LRRC61: variants seen among roughly 807,000 people sequenced by gnomAD.
LRRC61 encodes the protein leucine-rich repeat-containing protein 61.
Under a neutral mutation model 15.1 loss-of-function variants are expected in LRRC61, and 9 were observed. The ratio of observed to expected loss-of-function variants is 0.60; its 90% CI spans 0.36 to 1.04. The LOEUF is 1.04. Ranked by LOEUF, LRRC61 falls within the 50% of genes least tolerant of loss-of-function variation. The pLI is 0.01. For missense variants in LRRC61, 344 were observed against 335.6 expected, an observed-to-expected ratio of 1.03 and a Z score of -0.20; for synonymous variants, 173 against 158.6, an observed-to-expected ratio of 1.09 and a Z score of -0.68.
intron 1 of LRRC61, among the ~76,000 whole-genome samples, chr7:150,324,064 A>T (rs1797836856): frequency 1.3e-5 from 2 of 152,224 alleles, no homozygotes; most frequent in Admixed American, 1.3e-4. Context: ...TGCGTGTGGG[A>T]CAAAACCCCA....
At position 150,336,849 on chromosome 7, in the gene LRRC61, C is replaced by A. The variant is rs368562052; in HGVS notation, c.-13C>A. The A allele has an allele frequency of 2.5e-6, 4 of 1,593,496 alleles. No homozygotes were observed. Among genetic ancestry groups the A allele is most frequent in the East Asian group, 2.2e-5 (1 of 44,680 alleles). ...CTGCCAGGGCCCAGGCCATCCCAAC[C>A]GACTTCCATCTCATGGACCCTCCAG... On this transcript the variant is annotated 5_prime_UTR_variant, in exon 3 of 3. Transcript: ENST00000359623.
the LRRC61 span, among the ~76,000 whole-genome samples, chr7:150,315,525 T>C: frequency 6.6e-6 from 1 of 152,202 alleles, no homozygotes; most frequent in Non-Finnish European, 1.5e-5. Flanking sequence ...GGAAAATACA[T>C]TGTACGTTTT....
At chr7:150,336,169 C>T (rs1798283092) in intron 2 of LRRC61, among the ~76,000 whole-genome samples, 1 of 152,198 alleles carries the variant, frequency 6.6e-6, no homozygotes, top group Admixed American at 6.5e-5. Context: ...CAGCTCCAAC[C>T]AGAGGTACCA....
In LRRC61 at chr7:150,337,491, C is replaced by G. The variant is rs1392856419; in HGVS notation, c.630C>G (p.Ser210Arg). ...CAGGCTACTGGGAGTCCTGGCCCAG[C>G]CGGAGCAGCTCCATCCTGGAGGAGG... ...VEPGYWESWP[S>R]RSSSILEEAC... is the part of the protein sequence containing the mutation. The change falls in exon 3 of 3, where the codon AGC becomes AGG. Residue 210 changes from serine to arginine, a missense_variant. Physicochemically the swap from Ser to Arg is moderately radical, Grantham distance 110 (BLOSUM62 -1). Coordinates refer to ENST00000359623, the MANE Select transcript of LRRC61 (RefSeq NM_001142928.2). 1 of 1,602,538 alleles carries G rather than the reference C, an allele frequency of 6.2e-7. No homozygotes were observed. Among genetic ancestry groups the G allele is most frequent in the African/African-American group, 1.3e-5 (1 of 75,030 alleles).
rs1798080176 is a variant in LRRC61 at position 150,330,717 on chromosome 7, T to A, written c.-145+4707T>A. The A allele has an allele frequency of 1.3e-6, 2 of 1,578,850 alleles. No homozygotes were observed. The stretch of plus-strand genomic sequence containing the variant: ...TGACCACTGGAAGCAAGTCCTCGTG[T>A]ACAAGGTGAAGGAGATTAGAGTGTC... On this transcript the variant is annotated intron_variant, in intron 2 of 2. Coordinates refer to ENST00000359623, the MANE Select transcript of LRRC61 (RefSeq NM_001142928.2). The surrounding 1 kb of genome is among the most constrained non-coding windows in gnomAD (Gnocchi z 4.6).
rs1798086465 is a variant in LRRC61 at position 150,330,847 on chromosome 7, G to C, written c.-145+4837G>C. The C allele has an allele frequency of 6.2e-7, 1 of 1,608,954 alleles. No homozygotes were observed. Among genetic ancestry groups the C allele is most frequent in the African/African-American group, 1.3e-5 (1 of 74,886 alleles). On this transcript the variant is annotated intron_variant, in intron 2 of 2. Coordinates refer to ENST00000359623, the MANE Select transcript of LRRC61 (RefSeq NM_001142928.2). The surrounding 1 kb of genome is among the most constrained non-coding windows in gnomAD (Gnocchi z 4.6). Reference sequence around the variant, plus strand: ...TCCGGGGTGGAGGGGAGAAGCCAGGGGGAGCCTCTGCAGAGCAGCAGCCAC... The same window carrying C: ...TCCGGGGTGGAGGGGAGAAGCCAGGCGGAGCCTCTGCAGAGCAGCAGCCAC...
rs3735170 is a variant in LRRC61 at position 150,337,095 on chromosome 7, T to C, written c.234T>C (p.Ala78=). 409,027 of 1,612,716 alleles carry C rather than the reference T, an allele frequency of 0.25. 52,998 individuals are homozygous for C. Among genetic ancestry groups the C allele is most frequent in the East Asian group, 0.34 (15,266 of 44,858 alleles). The change falls in exon 3 of 3, where the codon GCT becomes GCC. Residue 78 remains alanine (A), a synonymous_variant. Transcript: ENST00000359623. ...LGPLASLRQL[A]VLNVSNNRLT... ...CGCTGGCCTCCTTGCGCCAGCTAGC[T>C]GTGCTCAATGTCTCCAACAATCGGC...
At chr7:150,329,938 A>G in intron 2 of LRRC61, 1 of 163,058 alleles carries the variant, frequency 6.1e-6, no homozygotes, top group South Asian at 1.6e-4. Context: ...CAGATGCTGG[A>G]GCAGGCCAGC....
chr7:150,333,852 A>G lies in LRRC61; in HGVS notation c.-144-2866A>G, dbSNP rs556967196. On this transcript the variant is annotated intron_variant, in intron 2 of 2. Coordinates refer to ENST00000359623, the MANE Select transcript of LRRC61 (RefSeq NM_001142928.2). This position sits in a 1 kb window ranked among gnomAD's most constrained non-coding sequence, Gnocchi z 4.3. ...TGGGCGCCGGCTGGTTCTCAGTCCT[A>G]CTGGGCTACCTGTTTGCAGTGTGCA... 11 of 973,994 alleles carry G rather than the reference A, an allele frequency of 1.1e-5. No individual in the cohort carries two copies. Among genetic ancestry groups the G allele is most frequent in the Middle Eastern group, 5.2e-4 (1 of 1,912 alleles). 60.3% of individuals were successfully genotyped at this position (973,994 alleles called of 1,614,324 possible).
rs777783789 is a variant in LRRC61 at position 150,337,667 on chromosome 7, T to A, written c.*26T>A. The A allele has an allele frequency of 4.6e-6, 7 of 1,516,266 alleles. No homozygotes were observed. The highest frequency in any genetic ancestry group is 6.2e-6 in the Non-Finnish European group (7 of 1,134,998). The allele number at this position is 1,516,266 out of a possible 1,614,324, so 93.9% of individuals were successfully genotyped here. ...ACGTGGCCTATGGCCCAGGACAGCC[T>A]GGCAGGTGGCCTCGCTGCCCCCAGT... On this transcript the variant is annotated 3_prime_UTR_variant, in exon 3 of 3. Transcript: ENST00000359623.
intron 2 of LRRC61, among the ~76,000 whole-genome samples, chr7:150,328,021 C>T (rs910689091): frequency 6.6e-6 from 1 of 152,170 alleles, no homozygotes. Context: ...GGGTGAACCA[C>T]ATTGACTCAG....
chr7:150,331,055 G>A, intron 2 of LRRC61: 1 of 1,612,308 alleles, frequency 6.2e-7, no homozygotes, highest in Non-Finnish European at 8.5e-7. Flanking sequence ...CTTACTGGGA[G>A]AAGAAGCGAG....
chr7:150,321,576 CT>C (rs1335301645), upstream of LRRC61, among the ~76,000 whole-genome samples: 1 of 152,076 alleles, frequency 6.6e-6, no homozygotes, highest in Non-Finnish European at 1.5e-5. Flanking sequence ...CCCGTCTCTA[CT>C]AAAAATACAA....
At chr7:150,328,130 TG>T (rs1239302140) in intron 2 of LRRC61, among the ~76,000 whole-genome samples, 1 of 152,184 alleles carries the variant, frequency 6.6e-6, no homozygotes, top group Non-Finnish European at 1.5e-5. Flanking sequence ...TATATGCGTG[TG>T]TGGGTATGTA....
intron 2 of LRRC61, among the ~76,000 whole-genome samples, chr7:150,327,334 A>G (rs1458195335): frequency 6.6e-6 from 1 of 152,184 alleles, no homozygotes; most frequent in African/African-American, 2.4e-5. Context: ...TGGAGTAACC[A>G]AAGCCCAAGG....
At chr7:150,329,689 T>C (rs1233261273) in intron 2 of LRRC61, 1 of 152,254 alleles carries the variant, frequency 6.6e-6, no homozygotes, top group East Asian at 1.9e-4. Flanking sequence ...ATGGGAAATA[T>C]TATGATTACC....
rs1164984861 is a variant in LRRC61 at position 150,333,554 on chromosome 7, T to G, written c.-144-3164T>G. On this transcript the variant is annotated intron_variant, in intron 2 of 2. Coordinates refer to ENST00000359623, the MANE Select transcript of LRRC61 (RefSeq NM_001142928.2). The surrounding 1 kb of genome is among the most constrained non-coding windows in gnomAD (Gnocchi z 4.3). ...TCCCCCTAGACTTAGCTCTGCCCTG[T>G]GGGCCTCATTTCCCAGGCAGAAGAC... Among the ~76,000 whole-genome samples the G allele has an allele frequency of 3.9e-5, 6 of 152,210 alleles. No homozygotes were observed. Among genetic ancestry groups the G allele is most frequent in the Non-Finnish European group, 8.8e-5 (6 of 68,038 alleles).
chr7:150,333,799 G>T lies in LRRC61; in HGVS notation c.-144-2919G>T. 1.5e-6 allele frequency: 1 copy of T among 662,934 alleles called. No homozygotes were observed. The highest frequency in any genetic ancestry group is 1.9e-6 in the Non-Finnish European group (1 of 535,606). The allele number at this position is 662,934 out of a possible 1,614,324, so 41.1% of individuals were successfully genotyped here. A position where few individuals can be genotyped will look rare whatever the true frequency, so the allele number is the denominator to read the frequency against. ...GCCATCCTCCTTGTGTCTGCGGGCA[G>T]CCTGATGGTTAGTTGGGTCTGCACA... On this transcript the variant is annotated intron_variant, in intron 2 of 2. Coordinates refer to ENST00000359623, the MANE Select transcript of LRRC61 (RefSeq NM_001142928.2). This position sits in a 1 kb window ranked among gnomAD's most constrained non-coding sequence, Gnocchi z 4.3.
chr7:150,337,015 T>G lies in LRRC61; in HGVS notation c.154T>G (p.Cys52Gly). The G allele has an allele frequency of 6.2e-7, 1 of 1,613,650 alleles. No individual in the cohort carries two copies. Among genetic ancestry groups the G allele is most frequent in the Non-Finnish European group, 8.5e-7 (1 of 1,180,000 alleles). Residue 52 changes from cysteine to glycine, a missense_variant, in exon 3 of 3, where the codon TGC becomes GGC. Physicochemically the swap from Cys to Gly is radical, Grantham distance 159. Transcript: ENST00000359623. ...GLADLGCLGECLGLEWLDLSG... is the reference protein window; with the variant it reads ...GLADLGCLGEGLGLEWLDLSG... ...GGCTGACCTGGGCTGCCTGGGAGAG[T>G]GCCTGGGCCTGGAGTGGCTGGACCT... is the stretch of plus-strand genomic sequence containing the variant.
Sources: gnomAD v4.1 joint callset for allele counts (sites outside exome capture counted in the v4.1 genomes callset) on GRCh38, gnomAD v4.1.1 for gene constraint, Gnocchi (gnomAD v3.1) non-coding constraint, MANE v1.5 for transcripts, NCBI Gene and HGNC (gene_info 2026-07-23, HGNC 2026-07-21) for gene names.